Variants in MRPS9 observed in about 807,000 individuals in gnomAD.
The protein encoded by MRPS9 is mitochondrial ribosomal protein S9.
Under a neutral mutation model 59.9 loss-of-function variants are expected in MRPS9, and 45 were observed. The ratio of observed to expected loss-of-function variants is 0.75; its 90% confidence interval spans 0.59 to 0.96. MRPS9 has a LOEUF of 0.96. Ranked by LOEUF, MRPS9 falls within the 40% of genes least tolerant of loss-of-function variation. The pLI is 0.00. For synonymous variants in MRPS9, 171 were observed against 166.8 expected, an observed-to-expected ratio of 1.03 and a Z score of -0.19; for missense variants, 473 against 481.1, an observed-to-expected ratio of 0.98 and a Z score of 0.16.
chr2:105,072,004 TA>T (rs10716983), intron 4 of MRPS9, among the ~76,000 whole-genome samples: 79,626 of 149,426 alleles, frequency 0.53, 21,394 homozygotes, highest in East Asian at 0.72. Flanking sequence ...TTTAAATGTG[TA>T]AAAAAAAAAA....
In MRPS9 at chr2:105,078,141, C is replaced by CTTTTTTTT. The variant is rs11421327; in HGVS notation, c.410-1831_410-1824dup. ...GTGCCTTATTCAGTTAATTCTAAGA[C>CTTTTTTTT]TTTTTTTTTTTTTTTTTTCAAATTT... On this transcript the variant is annotated intron_variant, in intron 4 of 10. Coordinates refer to ENST00000258455, the MANE Select transcript of MRPS9 (RefSeq NM_182640.3). Among the ~76,000 whole-genome samples the CTTTTTTTT allele has an allele frequency of 2.2e-3, 283 of 127,086 alleles. 5 individuals are homozygous for CTTTTTTTT. Among genetic ancestry groups the CTTTTTTTT allele is most frequent in the African/African-American group, 8.2e-3 (272 of 33,318 alleles). The allele number at this position is 127,086 out of a possible 152,430, so 83.4% of individuals were successfully genotyped here. A position where few individuals can be genotyped will look rare whatever the true frequency, so the allele number is the denominator to read the frequency against.
At chr2:105,038,544 C>T (rs1360803142) in intron 1 of MRPS9, 2 of 310,060 alleles carry the variant, frequency 6.5e-6, no homozygotes, top group Non-Finnish European at 6.1e-6. Context: ...TCCAGTCCTA[C>T]CCTGCCCTGC....
intron 5 of MRPS9, among the ~76,000 whole-genome samples, chr2:105,083,976 T>C (rs1680397499): frequency 6.6e-6 from 1 of 152,100 alleles, no homozygotes; most frequent in African/African-American, 2.4e-5. Context: ...GATAAATACA[T>C]TTTCTCAAAA....
At chr2:105,077,243 T>TAAAAAAAAAAAA (rs1680230037) in intron 4 of MRPS9, among the ~76,000 whole-genome samples, 1 of 90,716 alleles carries the variant, frequency 1.1e-5, no homozygotes, top group Non-Finnish European at 2.5e-5. Flanking sequence ...AGACTCCATC[T>TAAAAAAAAAAAA]CAAAAAAAAA....
chr2:105,083,571 G>A (rs1558760863), intron 5 of MRPS9, among the ~76,000 whole-genome samples: 3 of 152,186 alleles, frequency 2.0e-5, no homozygotes, highest in Admixed American at 6.5e-5. Flanking sequence ...CATAATGGGA[G>A]GGGATTATTT....
intron 7 of MRPS9, chr2:105,091,328 A>C: frequency 2.1e-6 from 1 of 471,096 alleles, no homozygotes; most frequent in South Asian, 1.5e-5. Flanking sequence ...GTAGGTGCAG[A>C]AGTCATTGAG....
chr2:105,054,193 A>G (rs1679759899), intron 2 of MRPS9, among the ~76,000 whole-genome samples: 1 of 152,174 alleles, frequency 6.6e-6, no homozygotes, highest in African/African-American at 2.4e-5. Context: ...CTCAGAATAT[A>G]TCTAAAAGGC....
intron 5 of MRPS9, among the ~76,000 whole-genome samples, chr2:105,081,319 C>T (rs1680336654): frequency 2.0e-5 from 3 of 152,204 alleles, no homozygotes; most frequent in Non-Finnish European, 4.4e-5. Context: ...ACTTGTTACA[C>T]GGATGGGTTG....
At chr2:105,048,437 G>T (rs1248593649) in intron 1 of MRPS9, among the ~76,000 whole-genome samples, 1 of 151,636 alleles carries the variant, frequency 6.6e-6, no homozygotes, top group Non-Finnish European at 1.5e-5. Flanking sequence ...CACCAGCATG[G>T]CACATGTATA....
At position 105,099,693 on chromosome 2, in the gene MRPS9, C is replaced by T. The variant is rs750727078; in HGVS notation, c.1123C>T (p.Arg375Cys). The T allele has an allele frequency of 2.7e-5, 44 of 1,613,896 alleles. No homozygotes were observed. In the Middle Eastern group the frequency reaches 9.9e-4, roughly 36 times the overall value. ...RQAGLLTTDP[R>C]VRERKKPGQE... ...AGCTGGACTACTTACTACTGATCCA[C>T]GTGTGAGGGAACGGAAGAAGCCAGG... The change falls in exon 11 of 11, where the codon CGT becomes TGT. Residue 375 changes from arginine to cysteine, a missense_variant. By Grantham distance (180) the Arg-to-Cys change is radical. Transcript: ENST00000258455.
intron 1 of MRPS9, 141 bp downstream of exon 1, chr2:105,038,368 G>A (rs186830279): frequency 3.6e-6 from 4 of 1,116,880 alleles, no homozygotes; most frequent in Non-Finnish European, 3.8e-6. Context: ...TCTGAGGTTG[G>A]GGGGGAGGAG....
chr2:105,043,266 G>T (rs1428851979), intron 1 of MRPS9, among the ~76,000 whole-genome samples: 1 of 152,182 alleles, frequency 6.6e-6, no homozygotes, highest in African/African-American at 2.4e-5. Context: ...ACAGATTATA[G>T]AATTAATGTA....
At chr2:105,057,410 A>G (rs892416966) in intron 2 of MRPS9, among the ~76,000 whole-genome samples, 1 of 152,198 alleles carries the variant, frequency 6.6e-6, no homozygotes, top group Non-Finnish European at 1.5e-5. Context: ...TGTTAACAGT[A>G]TACATAACTG....
At chr2:105,084,484 T>C (rs1680410989) in intron 5 of MRPS9, among the ~76,000 whole-genome samples, 1 of 152,090 alleles carries the variant, frequency 6.6e-6, no homozygotes, top group Admixed American at 6.5e-5. Flanking sequence ...CTTCATTATG[T>C]GAAGATTCCA....
At chr2:105,093,438 T>A in intron 8 of MRPS9, 92 bp from the exon 9 acceptor site, 1 of 672,640 alleles carries the variant, frequency 1.5e-6, no homozygotes, top group Non-Finnish European at 2.5e-6. Context: ...TGTTGTGTAT[T>A]ATTTTGGGGA....
chr2:105,086,342 C>T (rs979049377), intron 5 of MRPS9, among the ~76,000 whole-genome samples: 28 of 152,146 alleles, frequency 1.8e-4, no homozygotes, highest in Admixed American at 1.2e-3. Context: ...GTTTTCTCCT[C>T]TTCCACATTT....
intron 7 of MRPS9, among the ~76,000 whole-genome samples, chr2:105,090,218 G>A (rs1258979722): frequency 6.6e-6 from 1 of 152,310 alleles, no homozygotes. Context: ...GAGGTGACTT[G>A]TCGAGTCTCC....
chr2:105,086,583 T>C (rs1026248356), intron 5 of MRPS9, among the ~76,000 whole-genome samples: 1 of 152,212 alleles, frequency 6.6e-6, no homozygotes, highest in Admixed American at 6.5e-5. Context: ...AAGTAAACCC[T>C]TGTAAGCGGA....
chr2:105,085,016 C>T (rs923763616), intron 5 of MRPS9, among the ~76,000 whole-genome samples: 21 of 152,176 alleles, frequency 1.4e-4, no homozygotes, highest in South Asian at 2.1e-4. Context: ...TATATGCTGT[C>T]TGAGTTATAA....
Sources: allele counts gnomAD v4.1 joint callset (sites outside exome capture counted in the v4.1 genomes callset), GRCh38; gene constraint gnomAD v4.1.1; transcripts MANE v1.5; gene names NCBI Gene and HGNC (gene_info 2026-07-23, HGNC 2026-07-21).